LPP: variants seen among roughly 807,000 people sequenced by gnomAD.
LPP encodes LIM domain containing preferred translocation partner in lipoma.
Under a neutral mutation model 60.4 loss-of-function variants are expected in LPP, and 38 were observed. That is an observed-to-expected ratio of 0.63 (90% CI 0.49 to 0.83). The LOEUF (loss-of-function observed/expected upper bound fraction) is 0.83. Among genes scored for constraint, LPP ranks in the 40% least tolerant of loss-of-function variants. The pLI is 0.00. For missense variants in LPP, 902 were observed against 783.6 expected (o/e 1.15, Z -1.80); for synonymous variants, 328 against 290.8 (o/e 1.13, Z -1.30).
At chr3:188,551,996 A>C (rs1438332438) in intron 6 of LPP, among the ~76,000 whole-genome samples, 1 of 126,288 alleles carries the variant, frequency 7.9e-6, no homozygotes, top group Non-Finnish European at 1.8e-5. Context: ...TTGAACATTA[A>C]CAACAACAAA....
At chr3:188,744,715 C>G (rs1560145810) in intron 8 of LPP, among the ~76,000 whole-genome samples, 1 of 152,160 alleles carries the variant, frequency 6.6e-6, no homozygotes, top group East Asian at 1.9e-4. Flanking sequence ...CTCCTTTCCC[C>G]TCTTCAGTTT....
intron 2 of LPP, among the ~76,000 whole-genome samples, chr3:188,272,735 C>A (rs1738242083): frequency 6.6e-6 from 1 of 152,182 alleles, no homozygotes; most frequent in African/African-American, 2.4e-5. Flanking sequence ...TTGCTTCAGT[C>A]AAAAGCATAA....
chr3:188,421,871 G>A (rs1787898018), intron 4 of LPP, among the ~76,000 whole-genome samples: 1 of 152,084 alleles, frequency 6.6e-6, no homozygotes, highest in African/African-American at 2.4e-5. Context: ...TTAAAGCCTG[G>A]CCGTGATCTT....
At chr3:188,474,270 CT>C (rs1213321718) in intron 4 of LPP, among the ~76,000 whole-genome samples, 1 of 152,052 alleles carries the variant, frequency 6.6e-6, no homozygotes, top group African/African-American at 2.4e-5. Flanking sequence ...CCTCAAGGAG[CT>C]GTTAATCAGG....
intron 1 of LPP, among the ~76,000 whole-genome samples, chr3:188,218,517 C>T (rs1714528867): frequency 6.6e-6 from 1 of 152,236 alleles, no homozygotes; most frequent in Non-Finnish European, 1.5e-5. Flanking sequence ...CTGAGGCTTT[C>T]TCATGCGCCC....
Position 188,876,757 on chromosome 3 carries a change from GA to G in LPP, c.*2280del, listed in dbSNP as rs1468954366. On this transcript the variant is annotated 3_prime_UTR_variant, in exon 12 of 12. Transcript: ENST00000617246. ...ATTATTAATTTTGCCAAAAGAAGAA[GA>G]ATTTATTGAATATTTATACTATAAA... 1.1e-5 allele frequency: 2 copies of G among 185,660 alleles called. No homozygotes were observed. Among genetic ancestry groups the G allele is most frequent in the Admixed American group, 6.2e-5 (1 of 16,114 alleles). 11.5% of individuals were successfully genotyped at this position (185,660 alleles called of 1,614,324 possible). A position where few individuals can be genotyped will look rare whatever the true frequency, so the allele number is the denominator to read the frequency against.
At chr3:188,240,508 A>T (rs1723974967) in intron 2 of LPP, among the ~76,000 whole-genome samples, 1 of 152,122 alleles carries the variant, frequency 6.6e-6, no homozygotes, top group African/African-American at 2.4e-5. Context: ...ACTGAATTTG[A>T]CTGCTTTATT....
intron 1 of LPP, among the ~76,000 whole-genome samples, chr3:188,225,076 AT>A (rs1485949017): frequency 6.6e-6 from 1 of 151,880 alleles, no homozygotes; most frequent in Admixed American, 6.6e-5. Flanking sequence ...TTCTTTTTTT[AT>A]TTGGTATAGT....
rs1560628995 is a variant in LPP, at chr3:188,607,414, TA to T, written c.430-1746del. The stretch of plus-strand genomic sequence containing the variant: ...ATATATATATATATATATATATATA[TA>T]TAATTTTTTTTTCCTTTGCAGTTTT... On this transcript the variant is annotated intron_variant, in intron 6 of 11. Transcript: ENST00000617246. 5.0e-3 allele frequency among the ~76,000 whole-genome samples: 271 copies of T among 54,536 alleles called. 5 individuals carry two copies. Among genetic ancestry groups the T allele is most frequent in the Middle Eastern group, 0.02 (2 of 100 alleles). The allele number at this position is 54,536 out of a possible 152,430, so 35.8% of individuals were successfully genotyped here.
intron 4 of LPP, among the ~76,000 whole-genome samples, chr3:188,427,974 C>G (rs781145350): frequency 6.6e-6 from 1 of 152,100 alleles, no homozygotes; most frequent in South Asian, 2.1e-4. Flanking sequence ...AAACAAAGTC[C>G]TGCAGCTAGC....
intron 6 of LPP, among the ~76,000 whole-genome samples, chr3:188,587,059 T>TCTACTGAAGA (rs376126125): frequency 1.4e-4 from 4 of 28,258 alleles, no homozygotes; most frequent in South Asian, 8.6e-4. Context: ...AAGTTGGCGC[T>TCTACTGAAGA]CTGGCCGGGC....
chr3:188,604,500 G>A (rs908396126), intron 6 of LPP, among the ~76,000 whole-genome samples: 2 of 152,124 alleles, frequency 1.3e-5, no homozygotes, highest in African/African-American at 4.8e-5. Flanking sequence ...AAAAATAATA[G>A]TATCAATACA....
chr3:188,772,259 G>T (rs1024061841), intron 9 of LPP, among the ~76,000 whole-genome samples: 1 of 152,090 alleles, frequency 6.6e-6, no homozygotes, highest in African/African-American at 2.4e-5. Flanking sequence ...CCATGCCATT[G>T]GTTGCCTACC....
rs112379119 is a variant in LPP, at chr3:188,179,765, C to G, written c.-190+25513C>G. 24 of 325,800 alleles carry G rather than the reference C, an allele frequency of 7.4e-5. 1 individual carries two copies. The highest frequency in any genetic ancestry group is 3.7e-4 in the African/African-American group (17 of 45,956). 20.2% of individuals were successfully genotyped at this position (325,800 alleles called of 1,614,324 possible). A position where few individuals can be genotyped will look rare whatever the true frequency, so the allele number is the denominator to read the frequency against. On this transcript the variant is annotated intron_variant, in intron 1 of 11. Coordinates refer to ENST00000617246, the MANE Select transcript of LPP (RefSeq NM_001375462.1). ...GCAGTAGTTAGCTTGCAGCAGCTTC[C>G]CCTCTCCCCCTGAGTGAGCCTTTCT...
At chr3:188,240,218 T>C (rs143194340) in intron 2 of LPP, 4 of 178,008 alleles carry the variant, frequency 2.2e-5, no homozygotes, top group South Asian at 2.0e-4. Context: ...CATAAACTAA[T>C]TTAAAAATCC....
intron 6 of LPP, among the ~76,000 whole-genome samples, chr3:188,581,438 A>T (rs572707984): frequency 6.6e-6 from 1 of 152,304 alleles, no homozygotes; most frequent in South Asian, 2.1e-4. Context: ...TCTCTCTTGC[A>T]TTCTTAACTT....
chr3:188,795,139 C>CAAAACA (rs1178344075), intron 9 of LPP, among the ~76,000 whole-genome samples: 3 of 151,924 alleles, frequency 2.0e-5, no homozygotes, highest in African/African-American at 7.2e-5. Flanking sequence ...GTCTCAAAAA[C>CAAAACA]AAAACAAAAA....
chr3:188,382,415 A>G (rs1466692209), intron 3 of LPP, among the ~76,000 whole-genome samples: 3 of 152,198 alleles, frequency 2.0e-5, no homozygotes, highest in South Asian at 2.1e-4. Context: ...ATTCTAAGTT[A>G]ATAAAATGAG....
At chr3:188,179,819 A>C in intron 1 of LPP, 3 of 296,040 alleles carry the variant, frequency 1.0e-5, no homozygotes, top group Admixed American at 4.9e-5. Flanking sequence ...ATTCAGCCTC[A>C]TCCTGCCTTG....
Sources: gnomAD v4.1 joint callset for allele counts (sites outside exome capture counted in the v4.1 genomes callset) on GRCh38, gnomAD v4.1.1 for gene constraint, MANE v1.5 for transcripts, NCBI Gene and HGNC (gene_info 2026-07-23, HGNC 2026-07-21) for gene names.